Variants in GABBR1 observed in about 807,000 individuals in gnomAD.
GABBR1 encodes the protein GABA-B receptor, R1 subunit.
A neutral mutation model predicts 117.7 loss-of-function variants in GABBR1; 35 were observed. The ratio of observed to expected loss-of-function variants is 0.30; its 90% CI spans 0.23 to 0.39. The LOEUF is 0.39. Ranked by LOEUF, GABBR1 falls within the 10% of genes least tolerant of loss-of-function variation. GABBR1 has a pLI of 1.00. For missense variants in GABBR1, 709 were observed against 1,241.8 expected, an observed-to-expected ratio of 0.57 and a Z score of 6.45; for synonymous variants, 442 against 486.6, an observed-to-expected ratio of 0.91 and a Z score of 1.21.
rs1242275406 is a variant in GABBR1, at chr6:29,630,860, C to T, written c.290-217G>A. Among the ~76,000 whole-genome samples, 2 of 152,156 alleles carry T rather than the reference C, an allele frequency of 1.3e-5. No homozygotes were observed. Among genetic ancestry groups the T allele is most frequent in the Non-Finnish European group, 2.9e-5 (2 of 68,028 alleles). On this transcript the variant is annotated intron_variant, in intron 3 of 22. Coordinates refer to ENST00000377034, the MANE Select transcript of GABBR1 (RefSeq NM_001470.4). The surrounding 1 kb of genome is among the most constrained non-coding windows in gnomAD (Gnocchi z 4.9). ...AAAAAAAAAATTACCATTTTAGGAA[C>T]CCAAGATGGGGCTATAAGCACACAA...
In GABBR1 at chr6:29,604,043, C is replaced by T. The variant is rs1761690476; in HGVS notation, c.2713-327G>A. Among the ~76,000 whole-genome samples, 1 of 152,106 alleles carries T rather than the reference C, an allele frequency of 6.6e-6. No homozygotes were observed. The highest frequency in any genetic ancestry group is 1.5e-5 in the Non-Finnish European group (1 of 68,016). On this transcript the variant is annotated intron_variant, in intron 22 of 22. Transcript: ENST00000377034. The surrounding 1 kb of genome is among the most constrained non-coding windows in gnomAD (Gnocchi z 5.3). ...GAGAGATGTGTCAACCCAGTTGGAACATCCCTCTCTTTGGCATTGCACCAG... is the reference window on the plus strand; with the variant it reads ...GAGAGATGTGTCAACCCAGTTGGAATATCCCTCTCTTTGGCATTGCACCAG...
chr6:29,609,307 G>A lies in GABBR1; in HGVS notation c.1781C>T (p.Ser594Phe). The change falls in exon 15 of 23, where the codon TCC becomes TTC. Residue 594 changes from serine (S) to phenylalanine (F), a missense_variant. Ser to Phe is a radical substitution (Grantham distance 155). This residue lies in a region of GABBR1 where 251 missense variants were observed against 445.3 expected (regional missense o/e 0.56). Transcript: ENST00000377034. The surrounding 1 kb of genome is among the most constrained non-coding windows in gnomAD (Gnocchi z 4.3). ...GCCCAGGCTGGAGAGAACTGAGACG[G>A]AGATAAAGAGTTTCTGTGACAGGAA... ...FRFLSQKLFI[S>F]VSVLSSLGIV... 2 of 1,612,994 alleles carry A rather than the reference G, an allele frequency of 1.2e-6. No individual in the cohort carries two copies. Among genetic ancestry groups the A allele is most frequent in the South Asian group, 1.1e-5 (1 of 91,082 alleles).
chr6:29,623,531 T>C lies in GABBR1; in HGVS notation c.793-56A>G, dbSNP rs1763971191. ...GTCTGTTCACTGAGGACACCAAGAGTGGCCAAGAGTTCCTTTAACCCTCTT... is the reference window on the plus strand; with the variant it reads ...GTCTGTTCACTGAGGACACCAAGAGCGGCCAAGAGTTCCTTTAACCCTCTT... On this transcript the variant is annotated intron_variant, in intron 7 of 22. Coordinates refer to ENST00000377034, the MANE Select transcript of GABBR1 (RefSeq NM_001470.4). This position sits in a 1 kb window ranked among gnomAD's most constrained non-coding sequence, Gnocchi z 6.2. 6.5e-7 allele frequency: 1 copy of C among 1,546,862 alleles called. No homozygotes were observed. Among genetic ancestry groups the C allele is most frequent in the African/African-American group, 1.4e-5 (1 of 73,244 alleles).
chr6:29,604,474 C>T lies in GABBR1; in HGVS notation c.2712+20G>A, dbSNP rs771880987. 1.9e-6 allele frequency: 3 copies of T among 1,613,134 alleles called. No homozygotes were observed. Among genetic ancestry groups the T allele is most frequent in the Non-Finnish European group, 2.5e-6 (3 of 1,180,016 alleles). On this transcript the variant is annotated intron_variant, in intron 22 of 22. Transcript: ENST00000377034. This position sits in a 1 kb window ranked among gnomAD's most constrained non-coding sequence, Gnocchi z 5.3. ...CTCCTGGACCACTCCAACACCCTAC[C>T]CTGACACCCACCCCCGCACCTCAGC... is the stretch of plus-strand genomic sequence containing the variant.
rs963057655 is a variant in GABBR1 at position 29,604,210 on chromosome 6, C to A, written c.2712+284G>T. Among the ~76,000 whole-genome samples the A allele has an allele frequency of 6.6e-6, 1 of 152,122 alleles. No individual in the cohort carries two copies. The highest frequency in any genetic ancestry group is 2.4e-5 in the African/African-American group (1 of 41,442). ...CCAGTTGTCACCTACAGCCAACAGC[C>A]ATCCTCTTGCCTTAAGGAGGCTGAG... On this transcript the variant is annotated intron_variant, in intron 22 of 22. Transcript: ENST00000377034. The surrounding 1 kb of genome is among the most constrained non-coding windows in gnomAD (Gnocchi z 5.3).
chr6:29,628,022 G>T, intron 5 of GABBR1: 1 of 1,282,698 alleles, frequency 7.8e-7, no homozygotes, highest in Non-Finnish European at 9.8e-7. Context: ...CTGACCGACG[G>T]AGGGGAGGAG....
intron 11 of GABBR1, among the ~76,000 whole-genome samples, chr6:29,615,233 A>G (rs1391179108): frequency 6.6e-6 from 1 of 150,532 alleles, no homozygotes; most frequent in Admixed American, 6.7e-5. Flanking sequence ...TGGAGGTTAC[A>G]GTGAGCTGAG....
rs1247040352 is a variant in GABBR1 at position 29,609,007 on chromosome 6, GGTT to G, written c.1859+219_1859+221del. ...CAAGACTGTGAGACCTGGCCCCAAA[GGTT>G]GTTTTTTTCTCTTCTTTTCTTTTTT... On this transcript the variant is annotated intron_variant, in intron 15 of 22. Coordinates refer to ENST00000377034, the MANE Select transcript of GABBR1 (RefSeq NM_001470.4). The surrounding 1 kb of genome is among the most constrained non-coding windows in gnomAD (Gnocchi z 4.3). Among the ~76,000 whole-genome samples the G allele has an allele frequency of 2.0e-5, 3 of 152,170 alleles. No homozygotes were observed. Among genetic ancestry groups the G allele is most frequent in the Non-Finnish European group, 4.4e-5 (3 of 68,030 alleles).
intron 14 of GABBR1, among the ~76,000 whole-genome samples, chr6:29,610,253 A>G (rs29257): frequency 0.098 from 14,862 of 152,004 alleles, 855 homozygotes; most frequent in Middle Eastern, 0.21. Flanking sequence ...TATCATTTAG[A>G]CCAAGTACAC....
chr6:29,613,419 A>C lies in GABBR1; in HGVS notation c.1390T>G (p.Phe464Val). The part of the protein sequence containing the change: ...LKRHPEETGG[F>V]QEAPLAYDAI... ...TCATAGGCCAGCGGTGCCTCCTGGA[A>C]GCCTCCTGTCTCCTCAGGGTGTCTT... The change falls in exon 12 of 23, where the codon TTC becomes GTC. Residue 464 changes from phenylalanine to valine, a missense_variant. Phe to Val is a conservative substitution (Grantham distance 50). Transcript: ENST00000377034. This position sits in a 1 kb window ranked among gnomAD's most constrained non-coding sequence, Gnocchi z 4.1. The C allele has an allele frequency of 6.2e-7, 1 of 1,613,122 alleles. No homozygotes were observed. The highest frequency in any genetic ancestry group is 8.5e-7 in the Non-Finnish European group (1 of 1,180,036).
At position 29,603,580 on chromosome 6, in the gene GABBR1, C is replaced by A; in HGVS notation, c.2849G>T (p.Ser950Ile). ...CAAATGCACTCGACTCCCATCACAGCTAAGCCGGTCGGGGGGCTCAGGGGG... is the reference window on the plus strand; with the variant it reads ...CAAATGCACTCGACTCCCATCACAGATAAGCCGGTCGGGGGGCTCAGGGGG... ...RGPPEPPDRLSCDGSRVHLLY... is the reference protein window; with the variant it reads ...RGPPEPPDRLICDGSRVHLLY... The change falls in exon 23 of 23, where the codon AGC becomes ATC. Residue 950 changes from serine to isoleucine, a missense_variant. Coordinates refer to ENST00000377034, the MANE Select transcript of GABBR1 (RefSeq NM_001470.4). 6.3e-7 allele frequency: 1 copy of A among 1,592,278 alleles called. No individual in the cohort carries two copies. The highest frequency in any genetic ancestry group is 8.5e-7 in the Non-Finnish European group (1 of 1,169,992).
rs17177979 is a variant in GABBR1 at position 29,609,416 on chromosome 6, G to C, written c.1709-37C>G. On this transcript the variant is annotated intron_variant, in intron 14 of 22. Transcript: ENST00000377034. The surrounding 1 kb of genome is among the most constrained non-coding windows in gnomAD (Gnocchi z 4.3). Reference sequence around the variant, plus strand: ...AGGGGAGGAAGAGGGGAAGGGAAAAGAGAAGGGAAGGAGGACAAAGGAATG... The same window carrying C: ...AGGGGAGGAAGAGGGGAAGGGAAAACAGAAGGGAAGGAGGACAAAGGAATG... The C allele has an allele frequency of 9.4e-3, 14,944 of 1,592,628 alleles. 452 individuals are homozygous for C. The East Asian group carries it at 0.095, about 10-fold the overall frequency.
Position 29,620,074 on chromosome 6 carries a change from G to A in GABBR1, c.1323+1027C>T, listed in dbSNP as rs1425439738. Among the ~76,000 whole-genome samples the A allele has an allele frequency of 1.3e-5, 2 of 152,228 alleles. No individual in the cohort carries two copies. The highest frequency in any genetic ancestry group is 4.8e-5 in the African/African-American group (2 of 41,454). Reference sequence around the variant, plus strand: ...CAGGCTTCATGGTTTTCCATGGGAAGTGATGAGCAGAGCAGTTTGGAGCCA... The same window carrying A: ...CAGGCTTCATGGTTTTCCATGGGAAATGATGAGCAGAGCAGTTTGGAGCCA... On this transcript the variant is annotated intron_variant, in intron 11 of 22. Transcript: ENST00000377034. The surrounding 1 kb of genome is among the most constrained non-coding windows in gnomAD (Gnocchi z 4.5).
intron 11 of GABBR1, among the ~76,000 whole-genome samples, chr6:29,617,068 TCAAA>T (rs1763207369): frequency 6.6e-6 from 1 of 151,038 alleles, no homozygotes; most frequent in South Asian, 2.1e-4. Flanking sequence ...CTATGAAATC[TCAAA>T]CAAGTTATTA....
chr6:29,609,150 G>T lies in GABBR1; in HGVS notation c.1859+79C>A. 9 of 1,423,978 alleles carry T rather than the reference G, an allele frequency of 6.3e-6. No homozygotes were observed. Among genetic ancestry groups the T allele is most frequent in the Non-Finnish European group, 6.9e-6 (7 of 1,021,790 alleles). 88.2% of individuals were successfully genotyped at this position (1,423,978 alleles called of 1,614,324 possible). A position where few individuals can be genotyped will look rare whatever the true frequency, so the allele number is the denominator to read the frequency against. On this transcript the variant is annotated intron_variant, in intron 15 of 22. Transcript: ENST00000377034. This position sits in a 1 kb window ranked among gnomAD's most constrained non-coding sequence, Gnocchi z 4.3. ...ATACATGGCCATGGGAGTTACACAG[G>T]TTTTATTCTCATCCTGTCCAGGAAC...
In GABBR1 at chr6:29,623,809, C is replaced by T. The variant is rs1763999444; in HGVS notation, c.792+81G>A. 2 of 1,506,372 alleles carry T rather than the reference C, an allele frequency of 1.3e-6. No individual in the cohort carries two copies. Among genetic ancestry groups the T allele is most frequent in the Non-Finnish European group, 1.8e-6 (2 of 1,110,212 alleles). 93.3% of individuals were successfully genotyped at this position (1,506,372 alleles called of 1,614,324 possible). On this transcript the variant is annotated intron_variant, in intron 7 of 22. Coordinates refer to ENST00000377034, the MANE Select transcript of GABBR1 (RefSeq NM_001470.4). This position sits in a 1 kb window ranked among gnomAD's most constrained non-coding sequence, Gnocchi z 6.2. ...AGGTCCTCCACACTCCTTTTCAATA[C>T]AAACCCACAATCGCCATCGTCCCTT...
intron 5 of GABBR1, among the ~76,000 whole-genome samples, chr6:29,628,865 G>A (rs1267548332): frequency 6.6e-6 from 1 of 151,742 alleles, no homozygotes; most frequent in African/African-American, 2.4e-5. Flanking sequence ...CCAGGGAAGT[G>A]TAGCCAAGCA....
At position 29,627,495 on chromosome 6, in the gene GABBR1, G is replaced by C; in HGVS notation, c.648C>G (p.His216Gln). The C allele has an allele frequency of 1.2e-6, 2 of 1,601,264 alleles. No homozygotes were observed. Among genetic ancestry groups the C allele is most frequent in the Non-Finnish European group, 1.7e-6 (2 of 1,174,656 alleles). ...CCATGTCCAGGGCTACCTTGCTGTC[G>C]TGGTGGATGAGCTTGAGCTCATAGT... is the stretch of plus-strand genomic sequence containing the variant. The part of the protein sequence containing the change: ...LPDYELKLIH[H>Q]DSKCDPGQAT... Residue 216 changes from histidine (H) to glutamine (Q), a missense_variant, in exon 6 of 23, where the codon CAC becomes CAG. This residue lies in a region of GABBR1 where 192 missense variants were observed against 418.4 expected (regional missense o/e 0.46). Transcript: ENST00000377034. This position sits in a 1 kb window ranked among gnomAD's most constrained non-coding sequence, Gnocchi z 4.4.
chr6:29,608,509 A>G, intron 16 of GABBR1, 92 bp downstream of exon 16: 1 of 1,330,766 alleles, frequency 7.5e-7, no homozygotes, highest in Non-Finnish European at 1.1e-6. Flanking sequence ...AAAGCTGAGG[A>G]GGAAGGGCAG....
Sources: gnomAD v4.1 joint callset for allele counts (sites outside exome capture counted in the v4.1 genomes callset) on GRCh38, gnomAD v4.1.1 for gene constraint, gnomAD v4.1.1 regional missense constraint, Gnocchi (gnomAD v3.1) non-coding constraint, MANE v1.5 for transcripts, NCBI Gene and HGNC (gene_info 2026-07-23, HGNC 2026-07-21) for gene names.